The following KDM2A variants were observed in gnomAD, a reference collection of about 807,000 sequenced individuals.
KDM2A encodes the protein lysine-specific demethylase 2A.
In KDM2A, 3 loss-of-function variants were observed where a neutral mutation model predicts 137.3. That is an observed-to-expected ratio of 0.02 (90% confidence interval 0.01 to 0.06). KDM2A has a LOEUF of 0.06. Among genes scored for constraint, KDM2A ranks in the 10% least tolerant of loss-of-function variants. KDM2A has a pLI of 1.00. For missense variants in KDM2A, 738 were observed against 1,510.6 expected (o/e 0.49, Z 8.48); for synonymous variants, 512 against 541.5 (o/e 0.95, Z 0.76).
intron 6 of KDM2A, among the ~76,000 whole-genome samples, chr11:67,214,207 A>ATTTTTTTTTTTT (rs58629654): frequency 9.7e-6 from 1 of 103,332 alleles, no homozygotes; most frequent in Non-Finnish European, 1.8e-5. Flanking sequence ...TGCGCAGCTA[A>ATTTTTTTTTTTT]TTTTTTTTTT....
intron 13 of KDM2A, chr11:67,243,424 C>A: frequency 5.5e-6 from 1 of 181,300 alleles, no homozygotes; most frequent in Non-Finnish European, 1.2e-5. Flanking sequence ...AAAATAATTA[C>A]ATAGATATCT....
chr11:67,163,171 C>CT (rs1359742786), intron 2 of KDM2A, among the ~76,000 whole-genome samples: 1 of 152,200 alleles, frequency 6.6e-6, no homozygotes, highest in Non-Finnish European at 1.5e-5. Context: ...TAGCGCTACA[C>CT]TTTCGTATTT....
At chr11:67,138,300 C>A (rs1406190022) in intron 2 of KDM2A, among the ~76,000 whole-genome samples, 1 of 152,132 alleles carries the variant, frequency 6.6e-6, no homozygotes, top group African/African-American at 2.4e-5. Context: ...CCTAAAAATA[C>A]ATAAAATGTA....
At chr11:67,169,731 C>CT (rs1856834011) in intron 2 of KDM2A, among the ~76,000 whole-genome samples, 8 of 85,898 alleles carry the variant, frequency 9.3e-5, no homozygotes, top group Middle Eastern at 6.9e-3. Flanking sequence ...CTCTCTCTCT[C>CT]CTTCTCTCTC....
chr11:67,164,090 G>GTA (rs1239223697), intron 2 of KDM2A, among the ~76,000 whole-genome samples: 2 of 152,136 alleles, frequency 1.3e-5, no homozygotes, highest in East Asian at 3.9e-4. Context: ...CAAAGTATTT[G>GTA]TATATATGTT....
intron 5 of KDM2A, among the ~76,000 whole-genome samples, chr11:67,184,111 A>G (rs998440511): frequency 6.6e-6 from 1 of 151,306 alleles, no homozygotes; most frequent in Non-Finnish European, 1.5e-5. Flanking sequence ...AAAAAAAAAA[A>G]AAAAGGCAGG....
intron 2 of KDM2A, among the ~76,000 whole-genome samples, chr11:67,149,644 G>T (rs1283830220): frequency 1.3e-5 from 2 of 150,086 alleles, no homozygotes; most frequent in African/African-American, 4.9e-5. Flanking sequence ...ACATACACAT[G>T]CATTTTAATT....
chr11:67,156,109 G>A (rs1408611059), intron 2 of KDM2A, among the ~76,000 whole-genome samples: 9 of 150,804 alleles, frequency 6.0e-5, no homozygotes, highest in Admixed American at 4.0e-4. Context: ...ATAGCTGTGC[G>A]TGGTGGCACA....
chr11:67,204,445 A>T (rs2136376055), intron 5 of KDM2A, among the ~76,000 whole-genome samples: 1 of 151,882 alleles, frequency 6.6e-6, no homozygotes, highest in Middle Eastern at 3.4e-3. Context: ...GAACTATATA[A>T]TATGTAGCCT....
intron 12 of KDM2A, chr11:67,240,243 T>G: frequency 6.5e-7 from 1 of 1,535,444 alleles, no homozygotes; most frequent in Non-Finnish European, 8.7e-7. Flanking sequence ...TTCAAGTAAA[T>G]CCGGATTTTC....
At chr11:67,203,863 C>T (rs373506603) in intron 5 of KDM2A, among the ~76,000 whole-genome samples, 3 of 149,990 alleles carry the variant, frequency 2.0e-5, no homozygotes, top group East Asian at 3.9e-4. Context: ...TGCAGTGGTG[C>T]GATCTTGGCT....
At chr11:67,151,364 T>C (rs1856384188) in intron 2 of KDM2A, among the ~76,000 whole-genome samples, 1 of 152,054 alleles carries the variant, frequency 6.6e-6, no homozygotes, top group Admixed American at 6.5e-5. Context: ...ATTATTTTAT[T>C]TTATTTTTAA....
intron 6 of KDM2A, 79 bp from the exon 7 acceptor site, chr11:67,215,261 C>A: frequency 1.2e-6 from 1 of 804,724 alleles, no homozygotes; most frequent in South Asian, 2.0e-5. Flanking sequence ...TTAAGAAATT[C>A]TGCTTTTCTT....
intron 2 of KDM2A, among the ~76,000 whole-genome samples, chr11:67,167,545 G>A (rs1856773876): frequency 6.6e-6 from 1 of 151,036 alleles, no homozygotes; most frequent in Non-Finnish European, 1.5e-5. Context: ...GTTTACTTTT[G>A]TATATTCATC....
chr11:67,128,917 G>A (rs1241546941), intron 2 of KDM2A, among the ~76,000 whole-genome samples: 1 of 152,220 alleles, frequency 6.6e-6, no homozygotes, highest in Non-Finnish European at 1.5e-5. Context: ...CTAGGATTAA[G>A]CCACTAGAGT....
rs771092073 is a variant in KDM2A, at chr11:67,228,088, T to C, written c.1009T>C (p.Leu337=). 2.1e-5 allele frequency: 34 copies of C among 1,612,776 alleles called. No homozygotes were observed. The highest frequency in any genetic ancestry group is 2.8e-5 in the Non-Finnish European group (33 of 1,178,894). Reference sequence around the variant, plus strand: ...CTACTATGAGATGTGTTGGTATGTGTTGGAGCGCTATGTGTACTGCATAAC... The same window carrying C: ...CTACTATGAGATGTGTTGGTATGTGCTGGAGCGCTATGTGTACTGCATAAC... ...PFYYEMCWYV[L]ERYVYCITNR... The change falls in exon 11 of 21, where the codon TTG becomes CTG. Residue 337 remains leucine, a synonymous_variant. Coordinates refer to ENST00000529006, the MANE Select transcript of KDM2A (RefSeq NM_012308.3).
At chr11:67,235,773 A>G (rs1858854296) in intron 12 of KDM2A, among the ~76,000 whole-genome samples, 1 of 150,174 alleles carries the variant, frequency 6.7e-6, no homozygotes, top group Non-Finnish European at 1.5e-5. Flanking sequence ...GGCACGCACC[A>G]CCACTCCAGC....
At position 67,223,148 on chromosome 11, in the gene KDM2A, T is replaced by C. The variant is rs538540025; in HGVS notation, c.957+3745T>C. 1.3e-4 allele frequency among the ~76,000 whole-genome samples: 19 copies of C among 146,862 alleles called. No homozygotes were observed. The East Asian group carries it at 3.8e-3, about 29-fold the overall frequency. On this transcript the variant is annotated intron_variant, in intron 10 of 20. Transcript: ENST00000529006. ...CGGAGGTTGCAGTGAGCCAAGATCG[T>C]GCCATTGCACTCCAGCCTGGGCGAC...
chr11:67,144,667 A>G (rs1473563540), intron 2 of KDM2A, among the ~76,000 whole-genome samples: 2 of 151,796 alleles, frequency 1.3e-5, no homozygotes, highest in Admixed American at 1.3e-4. Flanking sequence ...TCCTGGGCTC[A>G]GGTGATCTGC....
Sources: gnomAD v4.1 joint callset for allele counts (sites outside exome capture counted in the v4.1 genomes callset) on GRCh38, gnomAD v4.1.1 for gene constraint, MANE v1.5 for transcripts, NCBI Gene and HGNC (gene_info 2026-07-23, HGNC 2026-07-21) for gene names.